The following CMTM4 variants were observed in gnomAD, a reference collection of about 807,000 sequenced individuals.
The protein encoded by CMTM4 is CKLF-like MARVEL transmembrane domain-containing protein 4.
Under a neutral mutation model 19.0 loss-of-function variants are expected in CMTM4, and 8 were observed. That is an observed-to-expected ratio of 0.42 (90% confidence interval 0.25 to 0.76). The LOEUF (loss-of-function observed/expected upper bound fraction) is 0.76. Among genes scored for constraint, CMTM4 ranks in the 30% least tolerant of loss-of-function variants. CMTM4 has a pLI of 0.27. For synonymous variants in CMTM4, 106 were observed against 121.1 expected (o/e 0.88, Z 0.82); for missense variants, 228 against 290.2 (o/e 0.79, Z 1.56).
At chr16:66,681,489 T>G (rs1419628048) in intron 1 of CMTM4, among the ~76,000 whole-genome samples, 1 of 152,070 alleles carries the variant, frequency 6.6e-6, no homozygotes, top group Non-Finnish European at 1.5e-5. Flanking sequence ...GCTAATTTTT[T>G]TGTATTTTTA....
chr16:66,649,598 G>A (rs931629187), intron 1 of CMTM4, among the ~76,000 whole-genome samples: 13 of 151,928 alleles, frequency 8.6e-5, no homozygotes, highest in African/African-American at 2.9e-4. Context: ...ATCACCTGGT[G>A]TCCTGCAGAC....
intron 1 of CMTM4, among the ~76,000 whole-genome samples, chr16:66,640,236 G>A (rs1219250806): frequency 1.3e-5 from 2 of 152,138 alleles, no homozygotes; most frequent in South Asian, 2.1e-4. Flanking sequence ...GGGGGCGGAG[G>A]TTGCAGTGAG....
chr16:66,624,895 G>A (rs1457774159), intron 2 of CMTM4, among the ~76,000 whole-genome samples: 1 of 152,232 alleles, frequency 6.6e-6, no homozygotes, highest in Non-Finnish European at 1.5e-5. Context: ...CCAGCAGGAT[G>A]GGTTTCAGCT....
intron 1 of CMTM4, among the ~76,000 whole-genome samples, chr16:66,685,285 A>C (rs1221436667): frequency 6.6e-6 from 1 of 152,178 alleles, no homozygotes; most frequent in Non-Finnish European, 1.5e-5. Context: ...CATCCTGCAA[A>C]AGCATTTGGG....
chr16:66,683,161 G>GTATATATATATATACA (rs1491447885), intron 1 of CMTM4, among the ~76,000 whole-genome samples: 1 of 81,500 alleles, frequency 1.2e-5, no homozygotes, highest in Non-Finnish European at 2.4e-5. Context: ...ATATATATAC[G>GTATATATATATATACA]TATATATATA....
intron 1 of CMTM4, among the ~76,000 whole-genome samples, chr16:66,695,075 G>A (rs2017206404): frequency 6.6e-6 from 1 of 152,256 alleles, no homozygotes; most frequent in Admixed American, 6.5e-5. Flanking sequence ...GGCCTGGCAC[G>A]GTGGCTCATG....
intron 1 of CMTM4, among the ~76,000 whole-genome samples, chr16:66,658,124 G>C (rs2016431613): frequency 1.3e-5 from 2 of 152,082 alleles, no homozygotes; most frequent in South Asian, 4.1e-4. Context: ...CAGCTACTCA[G>C]AGGGCTGAGG....
Position 66,617,445 on chromosome 16 carries a change from A to T in CMTM4, c.*4613T>A. ...TTCCAGACAAAAGAAGGGAAAATACAATAGGACCCACTCCGCTTCAAGCTA... is the reference window on the plus strand; with the variant it reads ...TTCCAGACAAAAGAAGGGAAAATACTATAGGACCCACTCCGCTTCAAGCTA... On this transcript the variant is annotated 3_prime_UTR_variant, in exon 4 of 4. Transcript: ENST00000394106. 1 of 1,529,120 alleles carries T rather than the reference A, an allele frequency of 6.5e-7. No homozygotes were observed. Among genetic ancestry groups the T allele is most frequent in the Non-Finnish European group, 8.8e-7 (1 of 1,138,644 alleles). 94.7% of individuals were successfully genotyped at this position (1,529,120 alleles called of 1,614,324 possible). A position where few individuals can be genotyped will look rare whatever the true frequency, so the allele number is the denominator to read the frequency against.
At chr16:66,684,586 G>A (rs1183142831) in intron 1 of CMTM4, among the ~76,000 whole-genome samples, 2 of 151,958 alleles carry the variant, frequency 1.3e-5, no homozygotes, top group Admixed American at 6.6e-5. Context: ...CCACACACGA[G>A]AGGCACTGCA....
At chr16:66,672,188 G>A (rs1025565436) in intron 1 of CMTM4, among the ~76,000 whole-genome samples, 2 of 151,662 alleles carry the variant, frequency 1.3e-5, no homozygotes, top group Non-Finnish European at 2.9e-5. Context: ...GAGGCAGGTG[G>A]ATAACTTGAG....
At chr16:66,605,330 C>G in the CMTM4 span, 1 of 168,604 alleles carries the variant, frequency 5.9e-6, no homozygotes, top group African/African-American at 2.4e-5. This position sits in a 1 kb window ranked among gnomAD's most constrained non-coding sequence, Gnocchi z 4.6. Flanking sequence ...GGTCCGCTTT[C>G]CTGCGAGCGG....
At chr16:66,632,094 C>T (rs1489962220) in intron 2 of CMTM4, among the ~76,000 whole-genome samples, 1 of 152,184 alleles carries the variant, frequency 6.6e-6, no homozygotes, top group Admixed American at 6.5e-5. Context: ...TCCAGGGCCA[C>T]AGAGCCCACT....
the CMTM4 span, among the ~76,000 whole-genome samples, chr16:66,607,628 G>A: frequency 6.6e-6 from 1 of 152,168 alleles, no homozygotes; most frequent in African/African-American, 2.4e-5. Flanking sequence ...ACGAGCACAC[G>A]TCTTTGGTGT....
At chr16:66,685,659 T>A (rs915174391) in intron 1 of CMTM4, among the ~76,000 whole-genome samples, 1 of 152,144 alleles carries the variant, frequency 6.6e-6, no homozygotes, top group African/African-American at 2.4e-5. Context: ...TTGTTTGTTT[T>A]TTGAGGTAGG....
At position 66,618,386 on chromosome 16, in the gene CMTM4, C is replaced by CGG. The variant is rs1427833838; in HGVS notation, c.*3671_*3672insCC. On this transcript the variant is annotated 3_prime_UTR_variant, in exon 4 of 4. Coordinates refer to ENST00000394106, the MANE Select transcript of CMTM4 (RefSeq NM_181521.3). Reference sequence around the variant, plus strand: ...GATGAGACAATAGGAACCCTTAAATCATCACTGCCTTGCAGAATCACTAAA... The same window carrying CGG: ...GATGAGACAATAGGAACCCTTAAATCGGATCACTGCCTTGCAGAATCACTAAA... 1 of 985,346 alleles carries CGG rather than the reference C, an allele frequency of 1.0e-6. No homozygotes were observed. The allele number at this position is 985,346 out of a possible 1,614,324, so 61.0% of individuals were successfully genotyped here. A position where few individuals can be genotyped will look rare whatever the true frequency, so the allele number is the denominator to read the frequency against.
chr16:66,633,521 A>G (rs2015924214), intron 2 of CMTM4, among the ~76,000 whole-genome samples: 1 of 152,116 alleles, frequency 6.6e-6, no homozygotes, highest in African/African-American at 2.4e-5. Flanking sequence ...AGCTGCCTTT[A>G]ATAGATACCA....
intron 1 of CMTM4, among the ~76,000 whole-genome samples, chr16:66,657,353 A>C (rs567032019): frequency 6.6e-6 from 1 of 152,298 alleles, no homozygotes; most frequent in East Asian, 1.9e-4. Context: ...GGTCTCCCAA[A>C]GTACTGGGAT....
At chr16:66,645,310 T>G (rs1596926683) in intron 1 of CMTM4, among the ~76,000 whole-genome samples, 1 of 150,150 alleles carries the variant, frequency 6.7e-6, no homozygotes, top group South Asian at 2.1e-4. Context: ...CCAGGCACAG[T>G]GGCTCACGCC....
chr16:66,618,595 AGGGTTGTTCAG>A lies in CMTM4; in HGVS notation c.*3452_*3462del. The A allele has an allele frequency of 1.0e-6, 1 of 985,472 alleles. No homozygotes were observed. The highest frequency in any genetic ancestry group is 1.2e-6 in the Non-Finnish European group (1 of 829,938). 61.0% of individuals were successfully genotyped at this position (985,472 alleles called of 1,614,324 possible). A position where few individuals can be genotyped will look rare whatever the true frequency, so the allele number is the denominator to read the frequency against. ...CCACACGCAGGACATGGCACCCACT[AGGGTTGTTCAG>A]GTCTCATTCACTGCAAGCAAGAATT... is the stretch of plus-strand genomic sequence containing the variant. On this transcript the variant is annotated 3_prime_UTR_variant, in exon 4 of 4. Transcript: ENST00000394106.
Sources: allele counts gnomAD v4.1 joint callset (sites outside exome capture counted in the v4.1 genomes callset), GRCh38; gene constraint gnomAD v4.1.1; non-coding constraint Gnocchi (gnomAD v3.1); transcripts MANE v1.5; gene names NCBI Gene and HGNC (gene_info 2026-07-23, HGNC 2026-07-21).